SGO2: variants seen among roughly 807,000 people sequenced by gnomAD.
SGO2 encodes the protein shugoshin-like 2.
In SGO2, 68 loss-of-function variants were observed where a neutral mutation model predicts 99.5. The observed-to-expected ratio is 0.68, with a 90% CI of 0.56 to 0.84. The LOEUF (loss-of-function observed/expected upper bound fraction) is 0.84, where lower values mean the gene tolerates loss of function less well. SGO2 is among the 40% of genes least tolerant of loss of function. The pLI, the probability that SGO2 is intolerant of heterozygous loss-of-function variation, is 0.00. For missense variants in SGO2, 1,350 were observed against 1,436.7 expected (o/e 0.94, Z 0.97); for synonymous variants, 457 against 487.1 (o/e 0.94, Z 0.81).
intron 4 of SGO2, among the ~76,000 whole-genome samples, chr2:200,537,485 C>T (rs1004079606): frequency 3.9e-5 from 6 of 152,056 alleles, no homozygotes; most frequent in African/African-American, 9.7e-5. Context: ...GTCCATGTTG[C>T]GAAAACCCAC....
At chr2:200,552,279 C>T (rs1243454983) in intron 5 of SGO2, among the ~76,000 whole-genome samples, 2 of 152,162 alleles carry the variant, frequency 1.3e-5, no homozygotes, top group Non-Finnish European at 2.9e-5. Context: ...GATTCAAACT[C>T]CTACCTCAGC....
chr2:200,578,176 A>ATAGATATAGAT (rs1479775069), intron 8 of SGO2, among the ~76,000 whole-genome samples: 1 of 152,140 alleles, frequency 6.6e-6, no homozygotes, highest in African/African-American at 2.4e-5. Context: ...AGATATAGAT[A>ATAGATATAGAT]TAGATATATA....
At chr2:200,534,089 T>C (rs2031572127) in intron 2 of SGO2, among the ~76,000 whole-genome samples, 1 of 152,242 alleles carries the variant, frequency 6.6e-6, no homozygotes, top group South Asian at 2.1e-4. Flanking sequence ...TTTTGGACTC[T>C]GTTTTGCAGA....
At position 200,570,561 on chromosome 2, in the gene SGO2, A is replaced by G. The variant is rs1166553714; in HGVS notation, c.704-489A>G. ...TACACACACACATATATACACACAT[A>G]TATATGGTATACATATAATGTATAC... On this transcript the variant is annotated intron_variant, in intron 6 of 8. Transcript: ENST00000357799. The surrounding 1 kb of genome is among the most constrained non-coding windows in gnomAD (Gnocchi z 4.4). 1.3e-5 allele frequency among the ~76,000 whole-genome samples: 2 copies of G among 151,262 alleles called. No individual in the cohort carries two copies. Among genetic ancestry groups the G allele is most frequent in the Admixed American group, 1.3e-4 (2 of 15,126 alleles).
At chr2:200,528,668 T>G (rs960869476) in intron 1 of SGO2, among the ~76,000 whole-genome samples, 1 of 152,094 alleles carries the variant, frequency 6.6e-6, no homozygotes, top group African/African-American at 2.4e-5. Context: ...GAACACAAAT[T>G]TGAGAGTTAT....
chr2:200,575,545 C>A, intron 8 of SGO2, 84 bp downstream of exon 8: 1 of 963,192 alleles, frequency 1.0e-6, no homozygotes, highest in Non-Finnish European at 1.5e-6. Context: ...TTGAGCACTT[C>A]TGATAATTCA....
At chr2:200,535,871 CTA>C (rs1332947168) in intron 3 of SGO2, among the ~76,000 whole-genome samples, 192 bp from the exon 4 acceptor site, 22 of 151,988 alleles carry the variant, frequency 1.4e-4, no homozygotes, top group African/African-American at 5.1e-4. Flanking sequence ...ATATGTATGA[CTA>C]TTTGGACTAT....
chr2:200,578,744 C>T (rs890809498), intron 8 of SGO2, among the ~76,000 whole-genome samples: 1 of 152,192 alleles, frequency 6.6e-6, no homozygotes, highest in South Asian at 2.1e-4. Flanking sequence ...ATCTCATCAC[C>T]TTTGCCAGTG....
chr2:200,572,900 A>G lies in SGO2; in HGVS notation c.2554A>G (p.Ile852Val). Reference sequence around the variant, plus strand: ...TCTAACCCCAAAGGATAAAGAAACAATTTCTGAAAATCTACAAGTCACAAA... The same window carrying G: ...TCTAACCCCAAAGGATAAAGAAACAGTTTCTGAAAATCTACAAGTCACAAA... The part of the protein sequence containing the change: ...FSLTPKDKET[I>V]SENLQVTNEF... Residue 852 changes from isoleucine (I) to valine (V), a missense_variant, in exon 7 of 9, where the codon ATT (isoleucine) becomes GTT (valine). Physicochemically the swap from Ile to Val is conservative, Grantham distance 29. Coordinates refer to ENST00000357799, the MANE Select transcript of SGO2 (RefSeq NM_152524.6). 6.3e-7 allele frequency: 1 copy of G among 1,591,072 alleles called. No individual in the cohort carries two copies. The highest frequency in any genetic ancestry group is 8.5e-7 in the Non-Finnish European group (1 of 1,173,024).
chr2:200,534,737 C>A (rs1332264679), intron 2 of SGO2, among the ~76,000 whole-genome samples: 3 of 152,154 alleles, frequency 2.0e-5, no homozygotes, highest in Non-Finnish European at 4.4e-5. Flanking sequence ...TATGTCTGTG[C>A]TGCAGTCCTC....
chr2:200,580,485 T>C (rs953392182), intron 8 of SGO2: 1 of 438,206 alleles, frequency 2.3e-6, no homozygotes, highest in African/African-American at 2.1e-5. Flanking sequence ...TACTTTATTA[T>C]TGTTGTTTTC....
In SGO2 at chr2:200,573,340, G is replaced by T; in HGVS notation, c.2994G>T (p.Leu998Phe). The change falls in exon 7 of 9, where the codon TTG becomes TTT. Residue 998 changes from leucine (L) to phenylalanine (F), a missense_variant. Transcript: ENST00000357799. ...KESSCKAKNILTKAKNKLASQ... is the reference protein window; with the variant it reads ...KESSCKAKNIFTKAKNKLASQ... ...CATCATGCAAGGCAAAGAACATTTT[G>T]ACAAAAGCTAAGAACAAACTTGCTT... The T allele has an allele frequency of 1.2e-6, 2 of 1,605,166 alleles. No individual in the cohort carries two copies. The highest frequency in any genetic ancestry group is 2.3e-5 in the South Asian group (2 of 88,372).
At chr2:200,583,081 A>G (rs2033892792) in intron 8 of SGO2, among the ~76,000 whole-genome samples, 3 of 152,108 alleles carry the variant, frequency 2.0e-5, no homozygotes, top group Admixed American at 2.0e-4. Context: ...GAGGTGTGGT[A>G]ATATTTTGTT....
At chr2:200,571,007 T>C in intron 6 of SGO2, 43 bp from the exon 7 acceptor site, 1 of 1,507,102 alleles carries the variant, frequency 6.6e-7, no homozygotes, top group Non-Finnish European at 8.9e-7. Flanking sequence ...AACTTATTTA[T>C]TTCATTACTT....
chr2:200,579,348 C>G (rs1388786259), intron 8 of SGO2, among the ~76,000 whole-genome samples: 4 of 152,084 alleles, frequency 2.6e-5, no homozygotes, highest in Non-Finnish European at 5.9e-5. Flanking sequence ...TTGTATGCCT[C>G]TTACTGTTTT....
intron 5 of SGO2, among the ~76,000 whole-genome samples, chr2:200,555,962 T>G (rs375926294): frequency 1.6e-4 from 25 of 152,218 alleles, no homozygotes; most frequent in African/African-American, 6.0e-4. Context: ...GAATATCCGC[T>G]TTTTTTGTTT....
intron 5 of SGO2, among the ~76,000 whole-genome samples, chr2:200,555,705 C>A (rs576510589): frequency 6.6e-6 from 1 of 152,072 alleles, no homozygotes; most frequent in Non-Finnish European, 1.5e-5. Context: ...ATTAGCTATC[C>A]CCAGAAGCAT....
chr2:200,532,693 C>A (rs1352942373), intron 1 of SGO2, among the ~76,000 whole-genome samples: 1 of 152,098 alleles, frequency 6.6e-6, no homozygotes, highest in Non-Finnish European at 1.5e-5. Flanking sequence ...TTGTACCATG[C>A]ATTCCATGAG....
upstream of SGO2, chr2:200,526,188 G>A (rs1267382602): frequency 6.6e-6 from 1 of 152,406 alleles, no homozygotes; most frequent in African/African-American, 2.4e-5. The surrounding 1 kb of genome is among the most constrained non-coding windows in gnomAD (Gnocchi z 4.8). Context: ...TTAAACCCAA[G>A]CCGCAGCCGC....
Sources: gnomAD v4.1 joint callset for allele counts (sites outside exome capture counted in the v4.1 genomes callset) on GRCh38, gnomAD v4.1.1 for gene constraint, Gnocchi (gnomAD v3.1) non-coding constraint, MANE v1.5 for transcripts, NCBI Gene and HGNC (gene_info 2026-07-23, HGNC 2026-07-21) for gene names.